BUB1: variants seen among roughly 807,000 people sequenced by gnomAD.
BUB1 encodes mitotic checkpoint serine/threonine-protein kinase BUB1.
A neutral mutation model predicts 135.2 loss-of-function variants in BUB1; 84 were observed. That is an observed-to-expected ratio of 0.62 (90% CI 0.52 to 0.74). The LOEUF (loss-of-function observed/expected upper bound fraction) is 0.74. BUB1 is among the 30% of genes least tolerant of loss of function. The pLI is 0.00. For synonymous variants in BUB1, 403 were observed against 434.4 expected (o/e 0.93, Z 0.90); for missense variants, 1,162 against 1,288.3 (o/e 0.90, Z 1.50).
rs528710907 is a variant in BUB1, at chr2:110,637,890, G to GA, written c.*73dup. Reference sequence around the variant, plus strand: ...ACAAACATTTACATAAACAATAAATGAAAAAAAAACAGGTTTAAAGTGAGC... The same window carrying GA: ...ACAAACATTTACATAAACAATAAATGAAAAAAAAAACAGGTTTAAAGTGAGC... On this transcript the variant is annotated 3_prime_UTR_variant, in exon 25 of 25. Coordinates refer to ENST00000302759, the MANE Select transcript of BUB1 (RefSeq NM_004336.5). The GA allele has an allele frequency of 5.1e-3, 5,006 of 982,124 alleles. 3 individuals are homozygous for GA. The highest frequency in any genetic ancestry group is 5.8e-3 in the Non-Finnish European group (4,175 of 718,950). 60.8% of individuals were successfully genotyped at this position (982,124 alleles called of 1,614,324 possible). A position where few individuals can be genotyped will look rare whatever the true frequency, so the allele number is the denominator to read the frequency against.
intron 16 of BUB1, 143 bp downstream of exon 16, chr2:110,655,596 C>A (rs985915738): frequency 3.8e-6 from 3 of 782,246 alleles, no homozygotes; most frequent in African/African-American, 3.5e-5. Context: ...ATACAATGAA[C>A]AGATTTTAAG....
chr2:110,658,685 G>T lies in BUB1; in HGVS notation c.1334C>A (p.Ser445Ter). ...TGGCGTTGCCTGAACCATTCCCAGT[G>T]ATGTGTTTGGAGTTGTGTGAAAAGA... ...TSSFHTTPNT[S>*]LGMVQATPSK... Residue 445 changes from serine (S) to a stop codon, truncating the protein, a stop_gained, in exon 12 of 25, where the codon TCA becomes TAA. Coordinates refer to ENST00000302759, the MANE Select transcript of BUB1 (RefSeq NM_004336.5). LOFTEE classifies it high-confidence loss of function. The T allele has an allele frequency of 6.2e-7, 1 of 1,614,216 alleles. No individual in the cohort carries two copies. Among genetic ancestry groups the T allele is most frequent in the Non-Finnish European group, 8.5e-7 (1 of 1,180,042 alleles).
chr2:110,637,908 A>C lies in BUB1; in HGVS notation c.*56T>G. On this transcript the variant is annotated 3_prime_UTR_variant, in exon 25 of 25. Coordinates refer to ENST00000302759, the MANE Select transcript of BUB1 (RefSeq NM_004336.5). The stretch of plus-strand genomic sequence containing the variant: ...AATAAATGAAAAAAAAACAGGTTTA[A>C]AGTGAGCAGATTCATATTTACAGTG... 1 of 1,229,224 alleles carries C rather than the reference A, an allele frequency of 8.1e-7. No individual in the cohort carries two copies. Among genetic ancestry groups the C allele is most frequent in the South Asian group, 2.4e-5 (1 of 42,156 alleles). The allele number at this position is 1,229,224 out of a possible 1,614,324, so 76.1% of individuals were successfully genotyped here.
intron 17 of BUB1, 72 bp downstream of exon 17, chr2:110,653,364 A>G: frequency 6.7e-7 from 1 of 1,497,266 alleles, no homozygotes; most frequent in Non-Finnish European, 9.3e-7. Flanking sequence ...AGGCAAAGCT[A>G]GAATGAAAAT....
chr2:110,674,595 A>G (rs1690521838), intron 1 of BUB1, among the ~76,000 whole-genome samples: 1 of 152,230 alleles, frequency 6.6e-6, no homozygotes, highest in South Asian at 2.1e-4. Context: ...AAAACTCAGA[A>G]GCAGCCAGTG....
intron 16 of BUB1, among the ~76,000 whole-genome samples, chr2:110,654,592 G>T (rs1220785239): frequency 1.3e-5 from 2 of 148,972 alleles, no homozygotes; most frequent in African/African-American, 4.9e-5. Flanking sequence ...GGATTCTTTA[G>T]ACTCATTAAA....
chr2:110,649,102 T>C, intron 19 of BUB1, 132 bp downstream of exon 19: 1 of 808,134 alleles, frequency 1.2e-6, no homozygotes, highest in Non-Finnish European at 1.9e-6. Context: ...AGTTTAGTAT[T>C]ACAGATACAA....
intron 10 of BUB1, 92 bp from the exon 11 acceptor site, chr2:110,660,128 T>C (rs1392807974): frequency 9.2e-6 from 10 of 1,081,308 alleles, no homozygotes; most frequent in Admixed American, 1.9e-5. Flanking sequence ...TCCCAGCACT[T>C]TGGGAGGCCG....
chr2:110,642,315 C>A, intron 19 of BUB1, 81 bp from the exon 20 acceptor site: 1 of 949,864 alleles, frequency 1.1e-6, no homozygotes, highest in Non-Finnish European at 1.6e-6. Context: ...GTTACAAAGA[C>A]ATAGAGTTTT....
chr2:110,664,574 C>T (rs1297587240), intron 9 of BUB1, among the ~76,000 whole-genome samples: 1 of 144,754 alleles, frequency 6.9e-6, no homozygotes, highest in Non-Finnish European at 1.5e-5. Context: ...GCTGCTGTTG[C>T]CTTTTTTTTT....
Position 110,667,820 on chromosome 2 carries a change from T to C in BUB1, c.597A>G (p.Ser199=), listed in dbSNP as rs749571314. The change falls in exon 7 of 25, where the codon TCA becomes TCG. Residue 199 remains serine (S), a synonymous_variant. Coordinates refer to ENST00000302759, the MANE Select transcript of BUB1 (RefSeq NM_004336.5). ...QGSELSGVIS[S]ACDKESNMER... Reference sequence around the variant, plus strand: ...GCATATTTGACTCTTTATCACAAGCTGAAGATATCACTCCAGAAAGCTCTG... The same window carrying C: ...GCATATTTGACTCTTTATCACAAGCCGAAGATATCACTCCAGAAAGCTCTG... 5.6e-6 allele frequency: 9 copies of C among 1,613,432 alleles called. No homozygotes were observed. Among genetic ancestry groups the C allele is most frequent in the Non-Finnish European group, 5.9e-6 (7 of 1,179,894 alleles).
In BUB1 at chr2:110,670,126, G is replaced by GTT. The variant is rs377459142; in HGVS notation, c.466+397_466+398dup. ...TTGGTTTTCATTAAAAATTGGATGG[G>GTT]TTTTTTTTTTTTTTTTTTTTTTTTT... On this transcript the variant is annotated intron_variant, in intron 5 of 24. Transcript: ENST00000302759. 1.3e-3 allele frequency among the ~76,000 whole-genome samples: 155 copies of GTT among 120,862 alleles called. 1 individual carries two copies. Among genetic ancestry groups the GTT allele is most frequent in the East Asian group, 2.6e-3 (10 of 3,908 alleles). 79.3% of individuals were successfully genotyped at this position (120,862 alleles called of 152,430 possible). A position where few individuals can be genotyped will look rare whatever the true frequency, so the allele number is the denominator to read the frequency against.
chr2:110,641,327 G>A lies in BUB1; in HGVS notation c.2763C>T (p.Asp921=). ...CEIIHGDIKP[D]NFILGNGFLE... ...CTTGCCCGTTTCCAAGTATGAAATT[G>A]TCTGGTTTAATGTCTCCATGAATGA... The change falls in exon 22 of 25, where the codon GAC becomes GAT. Residue 921 remains aspartate (D), a synonymous_variant. Coordinates refer to ENST00000302759, the MANE Select transcript of BUB1 (RefSeq NM_004336.5). The A allele has an allele frequency of 2.5e-6, 4 of 1,608,950 alleles. No individual in the cohort carries two copies. The highest frequency in any genetic ancestry group is 2.5e-6 in the Non-Finnish European group (3 of 1,177,826).
At chr2:110,662,018 C>A in intron 9 of BUB1, 177 bp from the exon 10 acceptor site, 1 of 694,202 alleles carries the variant, frequency 1.4e-6, no homozygotes, top group Non-Finnish European at 2.3e-6. Flanking sequence ...AACAAAAAGA[C>A]CACTCTACAA....
intron 16 of BUB1, 92 bp downstream of exon 16, chr2:110,655,647 C>A: frequency 1.6e-6 from 2 of 1,219,698 alleles, no homozygotes; most frequent in Non-Finnish European, 2.2e-6. Context: ...GTGGAATTTC[C>A]ATGAAGAAAA....
At chr2:110,649,452 G>A in intron 18 of BUB1, 75 bp from the exon 19 acceptor site, 1 of 1,329,398 alleles carries the variant, frequency 7.5e-7, no homozygotes, top group Non-Finnish European at 1.0e-6. Context: ...ATAAATTATA[G>A]ACAAAGTGAG....
At chr2:110,647,390 A>C (rs897285509) in intron 19 of BUB1, among the ~76,000 whole-genome samples, 3 of 152,234 alleles carry the variant, frequency 2.0e-5, no homozygotes, top group Admixed American at 6.5e-5. Context: ...ACACTATAAC[A>C]ACCAAGTGCA....
intron 16 of BUB1, among the ~76,000 whole-genome samples, chr2:110,655,248 T>C (rs1275560263): frequency 3.3e-5 from 5 of 152,216 alleles, no homozygotes. Flanking sequence ...AAAATAAGAC[T>C]TTCTGACTAT....
intron 5 of BUB1, 37 bp downstream of exon 5, chr2:110,670,488 T>C (rs747484788): frequency 1.2e-6 from 2 of 1,608,684 alleles, no homozygotes; most frequent in Non-Finnish European, 1.7e-6. Flanking sequence ...CAAGACTAAA[T>C]GGACAACAAC....
Sources: allele counts gnomAD v4.1 joint callset (sites outside exome capture counted in the v4.1 genomes callset), GRCh38; gene constraint gnomAD v4.1.1; transcripts MANE v1.5; gene names NCBI Gene and HGNC (gene_info 2026-07-23, HGNC 2026-07-21).